PCDHGA4: variants seen among roughly 807,000 people sequenced by gnomAD.
The protein encoded by PCDHGA4 is protocadherin gamma subfamily A, 4.
Under a neutral mutation model 54.6 loss-of-function variants are expected in PCDHGA4, and 38 were observed. The observed-to-expected ratio is 0.70, with a 90% CI of 0.54 to 0.91. The LOEUF is 0.91. PCDHGA4 is among the 40% of genes least tolerant of loss of function. PCDHGA4 has a pLI of 0.00. For missense variants in PCDHGA4, 1,298 were observed against 1,220.9 expected (o/e 1.06, Z -0.94); for synonymous variants, 511 against 512.9 (o/e 1.00, Z 0.05).
chr5:141,360,213 CG>C, intron 1 of PCDHGA4: 1 of 1,613,128 alleles, frequency 6.2e-7, no homozygotes, highest in Non-Finnish European at 8.5e-7. Flanking sequence ...CTTTGTTCCC[CG>C]GGGCTCTCCC....
chr5:141,371,768 C>G, intron 1 of PCDHGA4: 1 of 1,614,032 alleles, frequency 6.2e-7, no homozygotes, highest in East Asian at 2.2e-5. Flanking sequence ...CCTCCTACAC[C>G]GTGCATGTAG....
rs371690754 is a variant in PCDHGA4 at position 141,388,891 on chromosome 5, T to C, written c.2514+31270T>C. 1.9e-5 allele frequency: 31 copies of C among 1,613,872 alleles called. No individual in the cohort carries two copies. Among genetic ancestry groups the C allele is most frequent in the Middle Eastern group, 1.6e-4 (1 of 6,062 alleles). On this transcript the variant is annotated intron_variant, in intron 1 of 3. Coordinates refer to ENST00000571252, the MANE Select transcript of PCDHGA4 (RefSeq NM_018917.4). ...CAATGCACAGTGGAGGTAGAAGTCA[T>C]AGATGAAAATGACAACGCCCCAGAA... is the stretch of plus-strand genomic sequence containing the variant.
In PCDHGA4 at chr5:141,485,804, G is replaced by C; in HGVS notation, c.2515-9003G>C. 6.2e-7 allele frequency: 1 copy of C among 1,614,218 alleles called. No homozygotes were observed. The highest frequency in any genetic ancestry group is 1.3e-5 in the African/African-American group (1 of 75,060). The stretch of plus-strand genomic sequence containing the variant: ...AGAGAAGCAATCGGACTACCGCCTG[G>C]TGCTGACTGCTGTCGATGGAGGGAA... On this transcript the variant is annotated intron_variant, in intron 1 of 3. Coordinates refer to ENST00000571252, the MANE Select transcript of PCDHGA4 (RefSeq NM_018917.4). This position sits in a 1 kb window ranked among gnomAD's most constrained non-coding sequence, Gnocchi z 5.7.
intron 1 of PCDHGA4, chr5:141,426,449 G>A (rs1449929836): frequency 1.6e-5 from 5 of 307,646 alleles, no homozygotes; most frequent in East Asian, 8.0e-5. Flanking sequence ...GAGGACATGC[G>A]GCTGCATGTT....
At position 141,483,010 on chromosome 5, in the gene PCDHGA4, G is replaced by A. The variant is rs574078222; in HGVS notation, c.2515-11797G>A. Among the ~76,000 whole-genome samples the A allele has an allele frequency of 1.3e-3, 204 of 152,122 alleles. 1 individual carries two copies. Among genetic ancestry groups the A allele is most frequent in the African/African-American group, 4.0e-3 (168 of 41,498 alleles). On this transcript the variant is annotated intron_variant, in intron 1 of 3. Coordinates refer to ENST00000571252, the MANE Select transcript of PCDHGA4 (RefSeq NM_018917.4). Reference sequence around the variant, plus strand: ...CGAGGCAGGAGAATTGCTTGAACCCGGGAGGCAGAGGTTGCAATGAGCTGG... The same window carrying A: ...CGAGGCAGGAGAATTGCTTGAACCCAGGAGGCAGAGGTTGCAATGAGCTGG...
chr5:141,478,604 T>C (rs1425759709), intron 1 of PCDHGA4: 2 of 1,562,580 alleles, frequency 1.3e-6, no homozygotes, highest in South Asian at 2.3e-5. Context: ...CTACATCATA[T>C]TGAGGAAGGA....
At position 141,384,883 on chromosome 5, in the gene PCDHGA4, G is replaced by A. The variant is rs774353364; in HGVS notation, c.2514+27262G>A. ...TCTGTCAGCCACCGTCACACTCACCGTGGCTGTGGCTGACAGCATCCCCGA... is the reference window on the plus strand; with the variant it reads ...TCTGTCAGCCACCGTCACACTCACCATGGCTGTGGCTGACAGCATCCCCGA... On this transcript the variant is annotated intron_variant, in intron 1 of 3. Coordinates refer to ENST00000571252, the MANE Select transcript of PCDHGA4 (RefSeq NM_018917.4). 62 of 1,613,804 alleles carry A rather than the reference G, an allele frequency of 3.8e-5. 1 individual carries two copies. In the East Asian group the frequency reaches 1.3e-3, roughly 35 times the overall value.
chr5:141,390,509 A>G, intron 1 of PCDHGA4: 1 of 590,022 alleles, frequency 1.7e-6, no homozygotes, highest in Non-Finnish European at 2.9e-6. Flanking sequence ...GCTTAGATTT[A>G]TAAAGCAATG....
intron 1 of PCDHGA4, among the ~76,000 whole-genome samples, chr5:141,406,034 A>T (rs1438349168): frequency 6.7e-6 from 1 of 149,160 alleles, no homozygotes; most frequent in Non-Finnish European, 1.5e-5. Flanking sequence ...GGGTTGCTTC[A>T]TTGGTTGCAG....
chr5:141,424,655 TTTAA>T (rs1162406206), intron 1 of PCDHGA4: 3 of 152,238 alleles, frequency 2.0e-5, no homozygotes, highest in Non-Finnish European at 4.4e-5. Flanking sequence ...GTATTTGGAC[TTTAA>T]TTAAACTGAT....
In PCDHGA4 at chr5:141,355,425, C is replaced by CGAAAA; in HGVS notation, c.319_320insAAAAG (p.Ala107GlufsTer4). On this transcript the variant is annotated frameshift_variant, in exon 1 of 4. Transcript: ENST00000571252. LOFTEE classifies it high-confidence loss of function. ...TCTCCAGAGGTAGGACGCAGCTTTT[C>CGAAAA]GCCCTGAACCCGCGCAGCGGCACCT... 1 of 1,614,092 alleles carries CGAAAA rather than the reference C, an allele frequency of 6.2e-7. No homozygotes were observed. Among genetic ancestry groups the CGAAAA allele is most frequent in the Non-Finnish European group, 8.5e-7 (1 of 1,179,934 alleles).
At chr5:141,478,299 G>A (rs201916687) in intron 1 of PCDHGA4, 1 of 1,614,056 alleles carries the variant, frequency 6.2e-7, no homozygotes, top group Non-Finnish European at 8.5e-7. Flanking sequence ...GACCTATACC[G>A]AGCCCCGGTG....
chr5:141,478,660 T>C, intron 1 of PCDHGA4: 2 of 1,551,848 alleles, frequency 1.3e-6, no homozygotes, highest in Non-Finnish European at 1.7e-6. Flanking sequence ...TGGTGATGCA[T>C]TCACACTTTC....
chr5:141,477,432 C>T lies in PCDHGA4; in HGVS notation c.2515-17375C>T, dbSNP rs1184041591. 6.2e-7 allele frequency: 1 copy of T among 1,614,186 alleles called. No individual in the cohort carries two copies. Among genetic ancestry groups the T allele is most frequent in the Admixed American group, 1.7e-5 (1 of 60,028 alleles). ...GACGCCGGAACCCCTTCCCTCTCAG[C>T]CCTTACAATAGTGCGTGTTCAAGTG... On this transcript the variant is annotated intron_variant, in intron 1 of 3. Transcript: ENST00000571252. This position sits in a 1 kb window ranked among gnomAD's most constrained non-coding sequence, Gnocchi z 4.9.
Position 141,371,960 on chromosome 5 carries a change from C to A in PCDHGA4, c.2514+14339C>A, listed in dbSNP as rs771450244. On this transcript the variant is annotated intron_variant, in intron 1 of 3. Transcript: ENST00000571252. ...TGTTCGCGCAGCGAGCCTTCGACCACGAGCAGCTGCGTGCCTTCGAGCTCA... is the reference window on the plus strand; with the variant it reads ...TGTTCGCGCAGCGAGCCTTCGACCAAGAGCAGCTGCGTGCCTTCGAGCTCA... 1.9e-6 allele frequency: 3 copies of A among 1,613,142 alleles called. No homozygotes were observed. The African/African-American group carries it at 4.0e-5, about 22-fold the overall frequency.
At position 141,356,196 on chromosome 5, in the gene PCDHGA4, G is replaced by A; in HGVS notation, c.1089G>A (p.Lys363=). Reference sequence around the variant, plus strand: ...GGCCTGGTCTCCGAGCTAGAAGCAAGGTACTGGTGACAGTTCTGGATGAAA... The same window carrying A: ...GGCCTGGTCTCCGAGCTAGAAGCAAAGTACTGGTGACAGTTCTGGATGAAA... ...HDGPGLRARS[K]VLVTVLDEND... The change falls in exon 1 of 4, where the codon AAG becomes AAA. Residue 363 remains lysine, a synonymous_variant. Transcript: ENST00000571252. 1.2e-6 allele frequency: 2 copies of A among 1,609,400 alleles called. No homozygotes were observed. The highest frequency in any genetic ancestry group is 1.7e-5 in the Admixed American group (1 of 59,212).
At chr5:141,408,438 C>T (rs749271632) in intron 1 of PCDHGA4, 1 of 1,614,014 alleles carries the variant, frequency 6.2e-7, no homozygotes. Context: ...AGCGTAGACG[C>T]GGAGAGCGGG....
At chr5:141,376,159 C>T (rs1772345017) in intron 1 of PCDHGA4, 2 of 1,614,084 alleles carry the variant, frequency 1.2e-6, no homozygotes, top group Non-Finnish European at 8.5e-7. Context: ...TCACTCTGTA[C>T]CTGGTGGTGG....
rs1441582051 is a variant in PCDHGA4, at chr5:141,487,416, G to A, written c.2515-7391G>A. 1 of 1,614,088 alleles carries A rather than the reference G, an allele frequency of 6.2e-7. No individual in the cohort carries two copies. Among genetic ancestry groups the A allele is most frequent in the Admixed American group, 1.7e-5 (1 of 60,024 alleles). On this transcript the variant is annotated intron_variant, in intron 1 of 3. Coordinates refer to ENST00000571252, the MANE Select transcript of PCDHGA4 (RefSeq NM_018917.4). The surrounding 1 kb of genome is among the most constrained non-coding windows in gnomAD (Gnocchi z 5.0). ...AGGGAGGGGCTTCCCCCTTCCAATGGGATCCTCCGAATCCAGCTAGGGTCA... is the reference window on the plus strand; with the variant it reads ...AGGGAGGGGCTTCCCCCTTCCAATGAGATCCTCCGAATCCAGCTAGGGTCA...
Sources: gnomAD v4.1 joint callset for allele counts (sites outside exome capture counted in the v4.1 genomes callset) on GRCh38, gnomAD v4.1.1 for gene constraint, Gnocchi (gnomAD v3.1) non-coding constraint, MANE v1.5 for transcripts, NCBI Gene and HGNC (gene_info 2026-07-23, HGNC 2026-07-21) for gene names.